TUSC3: variants seen among roughly 807,000 people sequenced by gnomAD.
TUSC3 encodes the protein dolichyl-diphosphooligosaccharide--protein glycosyltransferase subunit TUSC3.
A neutral mutation model predicts 44.8 loss-of-function variants in TUSC3; 45 were observed. The ratio of observed to expected loss-of-function variants is 1.00; its 90% CI spans 0.79 to 1.29. TUSC3 has a LOEUF of 1.29. Among genes scored for constraint, TUSC3 ranks in the 50% most tolerant of loss-of-function variants. The probability of loss-of-function intolerance (pLI) is 0.00; values close to 1 mark genes in which losing one functional copy is unlikely to be tolerated. For missense variants in TUSC3, 519 were observed against 437.9 expected, an observed-to-expected ratio of 1.19 and a Z score of -1.65; for synonymous variants, 212 against 152.9, an observed-to-expected ratio of 1.39 and a Z score of -2.85.
chr8:15,522,476 A>G, intron 2 of TUSC3, among the ~76,000 whole-genome samples: 1 of 149,424 alleles, frequency 6.7e-6, no homozygotes, highest in Non-Finnish European at 1.5e-5. Flanking sequence ...CAGGTGATCC[A>G]CCCGCCTTGG....
At chr8:15,848,825 A>C in the TUSC3 span, among the ~76,000 whole-genome samples, 3 of 152,200 alleles carry the variant, frequency 2.0e-5, no homozygotes, top group South Asian at 6.2e-4. Context: ...TACATTCCTT[A>C]AAACAAGGAG....
intron 1 of TUSC3, among the ~76,000 whole-genome samples, chr8:15,427,376 C>A (rs939098603): frequency 6.6e-6 from 1 of 151,846 alleles, no homozygotes; most frequent in African/African-American, 2.4e-5. Context: ...CTGTTAACTG[C>A]CTCTCTAGAA....
intron 1 of TUSC3, among the ~76,000 whole-genome samples, chr8:15,424,878 CAA>C (rs67073442): frequency 2.3e-4 from 31 of 135,202 alleles, no homozygotes; most frequent in Non-Finnish European, 2.6e-4. Flanking sequence ...GACTCTGTCT[CAA>C]AAAAAAAAAA....
At chr8:15,843,621 T>C in the TUSC3 span, among the ~76,000 whole-genome samples, 108,200 of 146,694 alleles carry the variant, frequency 0.74, 40,817 homozygotes, top group Non-Finnish European at 0.82. Flanking sequence ...TATATATATA[T>C]ACACGCACAT....
chr8:15,520,000 A>G (rs1801273914), intron 2 of TUSC3, among the ~76,000 whole-genome samples: 2 of 152,298 alleles, frequency 1.3e-5, no homozygotes, highest in East Asian at 1.9e-4. Context: ...TTGGCTCTTA[A>G]AAACTGCCAC....
At chr8:15,769,644 C>T (rs746442898), downstream of TUSC3, among the ~76,000 whole-genome samples, 3 of 152,150 alleles carry the variant, frequency 2.0e-5, no homozygotes, top group Non-Finnish European at 4.4e-5. Flanking sequence ...AAACAGACAA[C>T]CTACAGAATG....
At chr8:15,547,087 A>G (rs1801896314) in intron 1 of TUSC3, among the ~76,000 whole-genome samples, 2 of 151,692 alleles carry the variant, frequency 1.3e-5, no homozygotes. Context: ...ATTTTGGTTA[A>G]TCATGTAAAG....
intron 6 of TUSC3, among the ~76,000 whole-genome samples, chr8:15,705,319 A>T (rs528891687): frequency 6.6e-6 from 1 of 152,202 alleles, no homozygotes; most frequent in South Asian, 2.1e-4. Context: ...TTTGAACAAA[A>T]ACTATTTAAA....
intron 2 of TUSC3, among the ~76,000 whole-genome samples, chr8:15,640,167 G>C (rs776653925): frequency 2.6e-5 from 4 of 152,124 alleles, no homozygotes; most frequent in Middle Eastern, 3.2e-3. Context: ...TTGGAATTTT[G>C]CCACCTACCA....
intron 1 of TUSC3, among the ~76,000 whole-genome samples, chr8:15,472,472 G>A (rs1689198931): frequency 1.3e-5 from 2 of 152,100 alleles, no homozygotes; most frequent in South Asian, 4.1e-4. Context: ...TTTTATCTCT[G>A]GCCGTTTCTT....
chr8:15,528,068 A>G (rs760296108), intron 2 of TUSC3, among the ~76,000 whole-genome samples: 21 of 152,142 alleles, frequency 1.4e-4, no homozygotes, highest in Non-Finnish European at 2.8e-4. Context: ...TAGATGATGA[A>G]CTCTTACAGG....
At chr8:15,663,212 A>G (rs1034620269) in intron 5 of TUSC3, among the ~76,000 whole-genome samples, 1 of 151,920 alleles carries the variant, frequency 6.6e-6, no homozygotes, top group African/African-American at 2.4e-5. Flanking sequence ...TATAAATAGA[A>G]TGTTGAAATT....
intron 1 of TUSC3, among the ~76,000 whole-genome samples, chr8:15,456,678 G>A (rs547188756): frequency 1.7e-4 from 26 of 152,162 alleles, no homozygotes; most frequent in Admixed American, 1.5e-3. Context: ...AAATGAAAAA[G>A]AGTAGTCATT....
intron 2 of TUSC3, among the ~76,000 whole-genome samples, chr8:15,521,537 CT>C (rs1421234848): frequency 6.6e-6 from 1 of 152,134 alleles, no homozygotes; most frequent in Non-Finnish European, 1.5e-5. Flanking sequence ...AATCTTTGGG[CT>C]TCCCCATACC....
At chr8:15,659,768 A>G in intron 4 of TUSC3, 121 bp downstream of exon 4, 1 of 1,325,556 alleles carries the variant, frequency 7.5e-7, no homozygotes. Context: ...TTGCATAGAG[A>G]AAACTGTTCG....
intron 1 of TUSC3, among the ~76,000 whole-genome samples, chr8:15,603,568 C>G (rs529128659): frequency 6.6e-6 from 1 of 151,580 alleles, no homozygotes; most frequent in Admixed American, 6.6e-5. Flanking sequence ...AAAAGATAGT[C>G]ATATTGAAAT....
downstream of TUSC3, among the ~76,000 whole-genome samples, chr8:15,769,609 C>A (rs956272051): frequency 3.3e-5 from 5 of 152,012 alleles, no homozygotes; most frequent in African/African-American, 1.2e-4. Context: ...AGCTTCTGCA[C>A]GGCAAAAGAA....
chr8:15,678,786 C>T (rs918419585), intron 6 of TUSC3, among the ~76,000 whole-genome samples: 3 of 152,102 alleles, frequency 2.0e-5, no homozygotes, highest in Admixed American at 6.6e-5. Context: ...TCCCTCACTC[C>T]CTCTTTTTGG....
chr8:15,552,053 G>A (rs1005044835), intron 1 of TUSC3, among the ~76,000 whole-genome samples: 24 of 151,708 alleles, frequency 1.6e-4, no homozygotes, highest in African/African-American at 4.6e-4. Flanking sequence ...TATGGCAGAA[G>A]CCCAAAGTAG....
Sources: allele counts gnomAD v4.1 joint callset (sites outside exome capture counted in the v4.1 genomes callset), GRCh38; gene constraint gnomAD v4.1.1; transcripts MANE v1.5; gene names NCBI Gene and HGNC (gene_info 2026-07-23, HGNC 2026-07-21).